METTL4: variants seen among roughly 807,000 people sequenced by gnomAD.
METTL4 encodes N(6)-adenine-specific methyltransferase METTL4.
Under a neutral mutation model 54.0 loss-of-function variants are expected in METTL4, and 40 were observed. That is an observed-to-expected ratio of 0.74 (90% CI 0.58 to 0.96). The LOEUF is 0.96. METTL4 is among the 50% of genes least tolerant of loss of function. The pLI, the probability that METTL4 is intolerant of heterozygous loss-of-function variation, is 0.00. For missense variants in METTL4, 525 were observed against 549.0 expected (o/e 0.96, Z 0.44); for synonymous variants, 169 against 183.8 (o/e 0.92, Z 0.65).
rs182332060 is a variant in METTL4 at position 2,548,492 on chromosome 18, C to T, written c.900-963G>A. Among the ~76,000 whole-genome samples the T allele has an allele frequency of 2.6e-5, 4 of 152,318 alleles. No individual in the cohort carries two copies. The East Asian group carries it at 7.7e-4, about 29-fold the overall frequency. ...TAAGGACTTAAGCTCTGAGATCCCA[C>T]TACCTCACCAACACAAAACTGGCCA... On this transcript the variant is annotated intron_variant, in intron 5 of 8. Transcript: ENST00000574538.
rs887132824 is a variant in METTL4 at position 2,538,518 on chromosome 18, G to A, written c.*482C>T. The A allele has an allele frequency of 6.5e-5, 10 of 154,088 alleles. No individual in the cohort carries two copies. Among genetic ancestry groups the A allele is most frequent in the African/African-American group, 2.4e-4 (10 of 41,476 alleles). The allele number at this position is 154,088 out of a possible 1,614,324, so 9.5% of individuals were successfully genotyped here. Reference sequence around the variant, plus strand: ...CTTCCCAAGTGAGCCACCACCGCTTGGTCCTGCAGACTGATGCCAGGAAAG... The same window carrying A: ...CTTCCCAAGTGAGCCACCACCGCTTAGTCCTGCAGACTGATGCCAGGAAAG... On this transcript the variant is annotated 3_prime_UTR_variant, in exon 9 of 9. Transcript: ENST00000574538.
Position 2,566,958 on chromosome 18 carries a change from C to T in METTL4, c.259G>A (p.Val87Ile), listed in dbSNP as rs2072428194. The T allele has an allele frequency of 1.2e-6, 2 of 1,614,072 alleles. No homozygotes were observed. Among genetic ancestry groups the T allele is most frequent in the Non-Finnish European group, 1.7e-6 (2 of 1,180,000 alleles). Reference sequence around the variant, plus strand: ...ACATCAAACAGTTCAGGTCGAAAAACAAATTTTCGTGTGAACATTTCATAA... The same window carrying T: ...ACATCAAACAGTTCAGGTCGAAAAATAAATTTTCGTGTGAACATTTCATAA... ...GNYEMFTRKF[V>I]FRPELFDVTK... The change falls in exon 2 of 9, where the codon GTT becomes ATT. Residue 87 changes from valine (V) to isoleucine (I), a missense_variant. Physicochemically the swap from Val to Ile is conservative, Grantham distance 29 (BLOSUM62 3). Transcript: ENST00000574538.
chr18:2,547,541 C>A lies in METTL4; in HGVS notation c.900-12G>T, dbSNP rs920208419. 9 of 1,544,964 alleles carry A rather than the reference C, an allele frequency of 5.8e-6. No homozygotes were observed. The highest frequency in any genetic ancestry group is 2.8e-5 in the African/African-American group (2 of 72,140). ...ACAAATAACTGTACCTAAAAATAAA[C>A]GGAAAAAAGGATGAGCAAAATTCAC... On this transcript the variant is annotated splice_polypyrimidine_tract_variant and intron_variant, in intron 5 of 8. Coordinates refer to ENST00000574538, the MANE Select transcript of METTL4 (RefSeq NM_022840.5).
chr18:2,557,107 C>T (rs531751434), intron 3 of METTL4, among the ~76,000 whole-genome samples: 32 of 152,012 alleles, frequency 2.1e-4, no homozygotes, highest in African/African-American at 7.5e-4. Context: ...TGAGCAGAGC[C>T]TGGAAGAATC....
intron 2 of METTL4, among the ~76,000 whole-genome samples, chr18:2,564,493 A>G (rs4797074): frequency 0.45 from 68,486 of 151,608 alleles, 16,057 homozygotes; most frequent in East Asian, 0.81. Context: ...CTGAGAAGAG[A>G]AACTAGCCAG....
intron 3 of METTL4, among the ~76,000 whole-genome samples, chr18:2,558,548 C>T (rs2072270471): frequency 6.6e-6 from 1 of 151,634 alleles, no homozygotes; most frequent in Non-Finnish European, 1.5e-5. Context: ...ACATAACATT[C>T]CACTTTAAGA....
At chr18:2,555,140 A>C in intron 3 of METTL4, 102 bp from the exon 4 acceptor site, 1 of 1,154,796 alleles carries the variant, frequency 8.7e-7, no homozygotes, top group Non-Finnish European at 1.3e-6. Context: ...CAATATCCTT[A>C]ACACTTACAG....
chr18:2,541,048 C>CT, intron 8 of METTL4, among the ~76,000 whole-genome samples: 1 of 152,250 alleles, frequency 6.6e-6, no homozygotes, highest in East Asian at 1.9e-4. Context: ...ACAACCTAAA[C>CT]CCATTTACTG....
At position 2,544,271 on chromosome 18, in the gene METTL4, G is replaced by A. The variant is rs201611746; in HGVS notation, c.1197C>T (p.Asn399=). 586 of 1,611,516 alleles carry A rather than the reference G, an allele frequency of 3.6e-4. 2 individuals carry two copies. Among genetic ancestry groups the A allele is most frequent in the Non-Finnish European group, 1.3e-4 (149 of 1,178,648 alleles). The part of the protein sequence containing the change: ...TALPLRNADV[N]VLPIPDHKLI... ...ATTTGTGGTCTGGAATGGGGAGCAC[G>A]TTTACATCTGCATTCCTAATTAAAC... Residue 399 remains asparagine (N), a synonymous_variant, in exon 8 of 9, where the codon AAC becomes AAT. Transcript: ENST00000574538.
intron 8 of METTL4, chr18:2,539,989 T>TA: frequency 5.1e-6 from 5 of 979,060 alleles, no homozygotes; most frequent in Non-Finnish European, 6.1e-6. Flanking sequence ...AGTAAATTGG[T>TA]AGCACTAAAA....
chr18:2,551,561 G>A (rs2072160962), intron 5 of METTL4, among the ~76,000 whole-genome samples: 1 of 152,108 alleles, frequency 6.6e-6, no homozygotes, highest in African/African-American at 2.4e-5. Flanking sequence ...GCCGAGTGTA[G>A]TGGCATACAC....
intron 4 of METTL4, chr18:2,554,417 C>A: frequency 5.1e-6 from 2 of 394,414 alleles, no homozygotes; most frequent in South Asian, 4.4e-5. Flanking sequence ...TACCGAATTC[C>A]TAAGTACAGA....
intron 7 of METTL4, 132 bp from the exon 8 acceptor site, chr18:2,544,418 T>C: frequency 2.9e-6 from 2 of 688,912 alleles, no homozygotes; most frequent in Non-Finnish European, 4.7e-6. Flanking sequence ...ATGAAAGAAA[T>C]TAACAATTTA....
intron 3 of METTL4, chr18:2,555,315 C>A (rs551329417): frequency 3.1e-4 from 114 of 368,216 alleles, no homozygotes; most frequent in African/African-American, 2.3e-3. Context: ...ATTTGATAAT[C>A]TGAATGTTTC....
intron 3 of METTL4, among the ~76,000 whole-genome samples, chr18:2,562,759 C>T (rs2072340715): frequency 6.6e-6 from 1 of 151,100 alleles, no homozygotes; most frequent in Admixed American, 6.6e-5. Context: ...AGGATACCAG[C>T]AGCTGGGGGA....
At chr18:2,546,704 T>C (rs1252598732) in intron 6 of METTL4, among the ~76,000 whole-genome samples, 1 of 152,152 alleles carries the variant, frequency 6.6e-6, no homozygotes, top group East Asian at 1.9e-4. Flanking sequence ...AAAGGAAACC[T>C]GATGAACTCT....
intron 5 of METTL4, among the ~76,000 whole-genome samples, chr18:2,549,542 T>C (rs915574377): frequency 1.3e-5 from 2 of 152,130 alleles, no homozygotes; most frequent in African/African-American, 2.4e-5. Context: ...CTTTATTTTA[T>C]TCCTTAGTTG....
intron 1 of METTL4, among the ~76,000 whole-genome samples, chr18:2,570,445 T>C (rs1015321083): frequency 1.3e-5 from 2 of 152,224 alleles, no homozygotes; most frequent in African/African-American, 4.8e-5. Flanking sequence ...AAAACCACCT[T>C]TGGAAGCAGC....
chr18:2,542,539 A>G (rs2072008428), intron 8 of METTL4, among the ~76,000 whole-genome samples: 1 of 152,148 alleles, frequency 6.6e-6, no homozygotes, highest in South Asian at 2.1e-4. Context: ...GAATTTTTAA[A>G]AGAAAAAAAT....
Sources: gnomAD v4.1 joint callset for allele counts (sites outside exome capture counted in the v4.1 genomes callset) on GRCh38, gnomAD v4.1.1 for gene constraint, MANE v1.5 for transcripts, NCBI Gene and HGNC (gene_info 2026-07-23, HGNC 2026-07-21) for gene names.